The following FRMPD4 variants were observed in gnomAD, a reference collection of about 807,000 sequenced individuals.
FRMPD4 encodes the protein FERM and PDZ domain-containing protein 4.
In FRMPD4, 22 loss-of-function variants were observed where a neutral mutation model predicts 94.1. That is an observed-to-expected ratio of 0.23 (90% confidence interval 0.17 to 0.33). The LOEUF (loss-of-function observed/expected upper bound fraction) is 0.33, where lower values mean the gene tolerates loss of function less well. Among genes scored for constraint, FRMPD4 ranks in the 10% least tolerant of loss-of-function variants. The pLI is 1.00. For synonymous variants in FRMPD4, 631 were observed against 548.6 expected, an observed-to-expected ratio of 1.15 and a Z score of -2.10; for missense variants, 1,111 against 1,339.9, an observed-to-expected ratio of 0.83 and a Z score of 2.67.
At chrX:11,870,574 C>T (rs187005687) in intron 2 of FRMPD4, among the ~76,000 whole-genome samples, 2 of 111,346 alleles carry the variant, frequency 1.8e-5, no homozygotes, top group South Asian at 3.8e-4. Flanking sequence ...GTTTTCAGCC[C>T]GGGGTGAGAG....
intron 1 of FRMPD4, among the ~76,000 whole-genome samples, chrX:12,397,253 A>G (rs1400499233): frequency 3.6e-5 from 4 of 110,457 alleles, no homozygotes; most frequent in African/African-American, 6.6e-5. Flanking sequence ...GTTTACAGAA[A>G]CTTTTTTTTA....
At position 12,405,021 on chromosome X, in the gene FRMPD4, A is replaced by G. The variant is rs901443674; in HGVS notation, c.42-93659A>G. ...ATGCTGAGGCCTGGTTTAAATTAGC[A>G]TCCCTTGGGGATTTAAAAAAAATAC... is the stretch of plus-strand genomic sequence containing the variant. On this transcript the variant is annotated intron_variant, in intron 1 of 16. Transcript: ENST00000675598. Among the ~76,000 whole-genome samples the G allele has an allele frequency of 6.3e-5, 7 of 111,556 alleles. 1 individual carries two copies. The highest frequency in any genetic ancestry group is 5.7e-4 in the Admixed American group (6 of 10,486).
intron 15 of FRMPD4, 74 bp downstream of exon 15, chrX:12,717,207 G>T: frequency 1.5e-6 from 1 of 645,942 alleles, no homozygotes; most frequent in Non-Finnish European, 2.3e-6. Flanking sequence ...TGCCCCTGGA[G>T]TCCTGTTACG....
At chrX:12,284,814 A>G (rs2054576932) in intron 1 of FRMPD4, among the ~76,000 whole-genome samples, 1 of 111,868 alleles carries the variant, frequency 8.9e-6, no homozygotes, top group Admixed American at 9.4e-5. Context: ...GAAGGACCTC[A>G]CTAGACAGCC....
chrX:12,517,553 A>G (rs755564124), intron 2 of FRMPD4, among the ~76,000 whole-genome samples: 2 of 112,646 alleles, frequency 1.8e-5, no homozygotes, highest in Non-Finnish European at 3.8e-5. Flanking sequence ...AAGCTGCAGA[A>G]CAGCAAAGAT....
chrX:12,137,983 CGAG>C (rs1204555873), upstream of FRMPD4, among the ~76,000 whole-genome samples: 2 of 111,628 alleles, frequency 1.8e-5, no homozygotes, highest in Non-Finnish European at 3.8e-5. Flanking sequence ...CTATGCTCCT[CGAG>C]GAGGGAGCAG....
intron 2 of FRMPD4, among the ~76,000 whole-genome samples, chrX:12,557,529 G>T (rs12007927): frequency 9.0e-6 from 1 of 111,180 alleles, no homozygotes; most frequent in East Asian, 2.8e-4. Context: ...TATGTCAAAG[G>T]AGTATATTTT....
intron 1 of FRMPD4, among the ~76,000 whole-genome samples, chrX:12,318,715 A>T (rs1281759995): frequency 3.6e-5 from 4 of 111,175 alleles, no homozygotes; most frequent in Non-Finnish European, 5.7e-5. Context: ...ATAGTGCAAT[A>T]GGGTGTCTAT....
chrX:11,874,453 A>G (rs2053772635), intron 2 of FRMPD4, among the ~76,000 whole-genome samples: 1 of 112,696 alleles, frequency 8.9e-6, no homozygotes, highest in Admixed American at 9.4e-5. Context: ...CCTGGCTATA[A>G]AAACTATTTA....
At chrX:12,288,200 A>G (rs1263310029) in intron 1 of FRMPD4, among the ~76,000 whole-genome samples, 1 of 112,052 alleles carries the variant, frequency 8.9e-6, no homozygotes, top group Admixed American at 9.4e-5. Context: ...CAATTGTGAT[A>G]CATGCCTTGG....
At chrX:12,369,685 G>T (rs1000678582) in intron 1 of FRMPD4, among the ~76,000 whole-genome samples, 1 of 111,945 alleles carries the variant, frequency 8.9e-6, no homozygotes, top group African/African-American at 3.3e-5. Flanking sequence ...GAGAGAAAAT[G>T]GCAGAGTCTC....
At chrX:11,880,837 T>G (rs2053809961) in intron 3 of FRMPD4, among the ~76,000 whole-genome samples, 1 of 111,329 alleles carries the variant, frequency 9.0e-6, no homozygotes, top group South Asian at 3.8e-4. Context: ...GAGATGGGGT[T>G]TCACCATGTT....
At chrX:11,848,319 C>A (rs2053594911) in intron 1 of FRMPD4, among the ~76,000 whole-genome samples, 1 of 111,233 alleles carries the variant, frequency 9.0e-6, no homozygotes, top group Non-Finnish European at 1.9e-5. Flanking sequence ...TTTTTCCCCT[C>A]ATTTTAACTT....
At chrX:11,870,262 T>A (rs2147304865) in intron 2 of FRMPD4, among the ~76,000 whole-genome samples, 1 of 111,844 alleles carries the variant, frequency 8.9e-6, no homozygotes, top group South Asian at 3.8e-4. Context: ...TTCGGGAAAT[T>A]ATCAAACCAA....
At chrX:12,354,055 A>G (rs1296226283) in intron 1 of FRMPD4, among the ~76,000 whole-genome samples, 2 of 112,279 alleles carry the variant, frequency 1.8e-5, no homozygotes, top group Non-Finnish European at 3.8e-5. Context: ...TGCTTTTGCT[A>G]ATAATGACCT....
At chrX:12,351,647 T>G (rs2055815131) in intron 1 of FRMPD4, among the ~76,000 whole-genome samples, 1 of 112,827 alleles carries the variant, frequency 8.9e-6, no homozygotes, top group African/African-American at 3.2e-5. Flanking sequence ...GTGAAGCCTG[T>G]CATGCCTCCT....
chrX:12,409,565 A>G lies in FRMPD4; in HGVS notation c.42-89115A>G, dbSNP rs149735949. Among the ~76,000 whole-genome samples the G allele has an allele frequency of 5.8e-3, 649 of 112,105 alleles. 4 individuals carry two copies. Among genetic ancestry groups the G allele is most frequent in the South Asian group, 8.2e-3 (22 of 2,675 alleles). Reference sequence around the variant, plus strand: ...CAAAGATGTAAGAACCTAAGGACACATTTCTGAAATTTACCCCTATGAGAT... The same window carrying G: ...CAAAGATGTAAGAACCTAAGGACACGTTTCTGAAATTTACCCCTATGAGAT... On this transcript the variant is annotated intron_variant, in intron 1 of 16. Transcript: ENST00000675598.
intron 4 of FRMPD4, among the ~76,000 whole-genome samples, chrX:12,626,324 CA>C (rs10715768): frequency 0.059 from 4,362 of 74,370 alleles, 280 homozygotes; most frequent in African/African-American, 0.21. Context: ...GATCCTGTCT[CA>C]AAAAAAAAAA....
intron 3 of FRMPD4, among the ~76,000 whole-genome samples, chrX:12,064,631 G>C (rs181183011): frequency 8.9e-6 from 1 of 111,778 alleles, no homozygotes; most frequent in Non-Finnish European, 1.9e-5. Flanking sequence ...AAAGTGAGGT[G>C]CAGATGAGTA....
Sources: allele counts gnomAD v4.1 joint callset (sites outside exome capture counted in the v4.1 genomes callset), GRCh38; gene constraint gnomAD v4.1.1; transcripts MANE v1.5; gene names NCBI Gene and HGNC (gene_info 2026-07-23, HGNC 2026-07-21).